Variants in ADAM32 observed in about 807,000 individuals in gnomAD.
ADAM32 encodes disintegrin and metalloproteinase domain-containing protein 32.
Under a neutral mutation model 114.9 loss-of-function variants are expected in ADAM32, and 89 were observed. That is an observed-to-expected ratio of 0.77 (90% CI 0.65 to 0.92). The LOEUF is 0.92. Among genes scored for constraint, ADAM32 ranks in the 40% least tolerant of loss-of-function variants. The probability of loss-of-function intolerance (pLI) is 0.00; values close to 1 mark genes in which losing one functional copy is unlikely to be tolerated. For synonymous variants in ADAM32, 285 were observed against 307.5 expected (o/e 0.93, Z 0.77); for missense variants, 870 against 932.8 (o/e 0.93, Z 0.88).
chr8:39,177,839 C>T (rs1272317544), intron 10 of ADAM32, among the ~76,000 whole-genome samples: 1 of 152,164 alleles, frequency 6.6e-6, no homozygotes, highest in Non-Finnish European at 1.5e-5. Context: ...ATATTGGCCC[C>T]CAATCTCTTC....
intron 16 of ADAM32, 71 bp downstream of exon 16, chr8:39,234,153 A>G (rs376472329): frequency 9.0e-7 from 1 of 1,111,390 alleles, no homozygotes. Flanking sequence ...TTAAGTATCA[A>G]ATTTTAATTT....
chr8:39,263,143 A>G (rs1373003348), intron 19 of ADAM32, among the ~76,000 whole-genome samples: 1 of 152,200 alleles, frequency 6.6e-6, no homozygotes, highest in Non-Finnish European at 1.5e-5. Context: ...GTGATGTTCT[A>G]CATGTAATAA....
chr8:39,115,759 T>C (rs1840349409), intron 1 of ADAM32, among the ~76,000 whole-genome samples: 1 of 152,238 alleles, frequency 6.6e-6, no homozygotes, highest in African/African-American at 2.4e-5. Context: ...GTCCCACTTC[T>C]CAATTTTTGT....
chr8:39,140,760 T>G lies in ADAM32; in HGVS notation c.200+4042T>G, dbSNP rs562589015. 2.6e-5 allele frequency among the ~76,000 whole-genome samples: 4 copies of G among 152,294 alleles called. No individual in the cohort carries two copies. The South Asian group carries it at 8.3e-4, about 32-fold the overall frequency. ...CTACTCTTTGTACCTCTGGTAGAAT[T>G]TGGCTGTGAATCTGTCTGGTCCTGG... On this transcript the variant is annotated intron_variant, in intron 3 of 24. Coordinates refer to ENST00000379907, the MANE Select transcript of ADAM32 (RefSeq NM_145004.7).
At chr8:39,188,169 A>G (rs998436214) in intron 11 of ADAM32, among the ~76,000 whole-genome samples, 9 of 152,200 alleles carry the variant, frequency 5.9e-5, no homozygotes, top group Non-Finnish European at 1.2e-4. Flanking sequence ...CTCAACATAT[A>G]TACCCACAAA....
At chr8:39,248,971 C>T (rs928023946) in intron 17 of ADAM32, among the ~76,000 whole-genome samples, 11 of 149,504 alleles carry the variant, frequency 7.4e-5, no homozygotes, top group Non-Finnish European at 1.6e-4. Flanking sequence ...GGCATAATCT[C>T]GGCTCACTGC....
At chr8:39,249,883 A>T (rs1005080382) in intron 17 of ADAM32, among the ~76,000 whole-genome samples, 5 of 152,084 alleles carry the variant, frequency 3.3e-5, no homozygotes, top group Non-Finnish European at 5.9e-5. Flanking sequence ...ATTTCAAAGG[A>T]TTAAATATTT....
At chr8:39,161,023 C>T in intron 7 of ADAM32, 58 bp downstream of exon 7, 1 of 1,390,390 alleles carries the variant, frequency 7.2e-7, no homozygotes, top group East Asian at 2.5e-5. Context: ...ATGATTATGC[C>T]TAGCTAGCTA....
At chr8:39,231,632 C>T (rs867270555) in intron 14 of ADAM32, among the ~76,000 whole-genome samples, 30 of 152,116 alleles carry the variant, frequency 2.0e-4, no homozygotes, top group Non-Finnish European at 3.4e-4. Context: ...GAAGATACAA[C>T]GAAGTTTCTT....
intron 10 of ADAM32, among the ~76,000 whole-genome samples, chr8:39,170,600 T>C (rs1266471473): frequency 6.6e-6 from 1 of 152,028 alleles, no homozygotes; most frequent in African/African-American, 2.4e-5. Flanking sequence ...GTAATTTATG[T>C]TAATGATGTC....
chr8:39,157,964 C>A, intron 6 of ADAM32: 2 of 324,484 alleles, frequency 6.2e-6, no homozygotes, highest in South Asian at 7.1e-5. Context: ...TGCCATGCCC[C>A]AATATAGGCA....
At chr8:39,241,300 G>T (rs1810534186) in intron 16 of ADAM32, among the ~76,000 whole-genome samples, 4 of 152,214 alleles carry the variant, frequency 2.6e-5, no homozygotes, top group Admixed American at 2.0e-4. Context: ...CAGGCAAACA[G>T]TGCAAGCTGT....
chr8:39,256,923 T>A (rs1056383892), intron 18 of ADAM32, among the ~76,000 whole-genome samples: 1 of 151,966 alleles, frequency 6.6e-6, no homozygotes, highest in Non-Finnish European at 1.5e-5. Flanking sequence ...TTGTCCCTAC[T>A]TAGAGGGTTA....
rs1467211768 is a variant in ADAM32, at chr8:39,118,144, T to C, written c.117T>C (p.Asn39=). Residue 39 remains asparagine (N), a synonymous_variant, in exon 2 of 25, where the codon AAT becomes AAC. Coordinates refer to ENST00000379907, the MANE Select transcript of ADAM32 (RefSeq NM_145004.7). ...CAGAGAAAATCCAAACAAATACAAATGACAGTTCAGAAATAGAATATGTAA... is the reference window on the plus strand; with the variant it reads ...CAGAGAAAATCCAAACAAATACAAACGACAGTTCAGAAATAGAATATGTAA... ...VIPEKIQTNT[N]DSSEIEYEQI... is the part of the protein sequence containing the mutation. The C allele has an allele frequency of 2.7e-6, 4 of 1,482,212 alleles. No individual in the cohort carries two copies. The highest frequency in any genetic ancestry group is 2.5e-5 in the Admixed American group (1 of 40,530). The allele number at this position is 1,482,212 out of a possible 1,614,324, so 91.8% of individuals were successfully genotyped here.
In ADAM32 at chr8:39,257,227, C is replaced by CT. The variant is rs1355421069; in HGVS notation, c.2047dup (p.Trp683LeufsTer38). On this transcript the variant is annotated frameshift_variant, in exon 19 of 25. Coordinates refer to ENST00000379907, the MANE Select transcript of ADAM32 (RefSeq NM_145004.7). LOFTEE classifies it high-confidence loss of function. ...GAGCATCTGGGAAGACTGAAAACAC[C>CT]TGGCTTCTAGGTTTCCTCATTGCTC... The CT allele has an allele frequency of 9.9e-6, 16 of 1,609,970 alleles. No individual in the cohort carries two copies. Among genetic ancestry groups the CT allele is most frequent in the Non-Finnish European group, 1.4e-5 (16 of 1,177,710 alleles).
intron 14 of ADAM32, among the ~76,000 whole-genome samples, chr8:39,231,090 G>T (rs1291105954): frequency 6.6e-6 from 1 of 152,098 alleles, no homozygotes; most frequent in African/African-American, 2.4e-5. Flanking sequence ...TATAGTAAAG[G>T]TCAAGGAATT....
At chr8:39,153,885 C>T (rs926205859) in intron 6 of ADAM32, among the ~76,000 whole-genome samples, 17 of 152,178 alleles carry the variant, frequency 1.1e-4, no homozygotes, top group Admixed American at 9.8e-4. Context: ...GCACATATGT[C>T]AGCCAAATTG....
At chr8:39,157,974 A>C in intron 6 of ADAM32, 1 of 318,606 alleles carries the variant, frequency 3.1e-6, no homozygotes, top group South Asian at 3.6e-5. Flanking sequence ...CAATATAGGC[A>C]ACCTTCCACA....
At chr8:39,125,546 TA>T (rs1473695051) in intron 2 of ADAM32, among the ~76,000 whole-genome samples, 1 of 152,212 alleles carries the variant, frequency 6.6e-6, no homozygotes, top group Non-Finnish European at 1.5e-5. Context: ...TTCTTCATCC[TA>T]GGGGTACTCG....
Sources: gnomAD v4.1 joint callset for allele counts (sites outside exome capture counted in the v4.1 genomes callset) on GRCh38, gnomAD v4.1.1 for gene constraint, MANE v1.5 for transcripts, NCBI Gene and HGNC (gene_info 2026-07-23, HGNC 2026-07-21) for gene names.